Variants in ZDHHC3 observed in about 807,000 individuals in gnomAD.
ZDHHC3 encodes palmitoyltransferase ZDHHC3.
In ZDHHC3, 9 loss-of-function variants were observed where a neutral mutation model predicts 30.6. The observed-to-expected ratio is 0.29, with a 90% CI of 0.18 to 0.51. ZDHHC3 has a LOEUF of 0.51. Among genes scored for constraint, ZDHHC3 ranks in the 20% least tolerant of loss-of-function variants. ZDHHC3 has a pLI of 0.97. For missense variants in ZDHHC3, 246 were observed against 384.2 expected (o/e 0.64, Z 3.01); for synonymous variants, 136 against 140.2 (o/e 0.97, Z 0.21).
chr3:44,929,493 G>C, intron 5 of ZDHHC3, 57 bp from the exon 6 acceptor site: 1 of 1,599,528 alleles, frequency 6.3e-7, no homozygotes, highest in Middle Eastern at 1.7e-4. Flanking sequence ...TGCTGCCCAG[G>C]CTCACTGCCC....
intron 2 of ZDHHC3, among the ~76,000 whole-genome samples, chr3:44,952,135 T>C (rs1343221505): frequency 6.6e-6 from 1 of 152,170 alleles, no homozygotes; most frequent in African/African-American, 2.4e-5. Flanking sequence ...CCTGCTGCTT[T>C]CTCCCCAAAC....
rs1226448102 is a variant in ZDHHC3, at chr3:44,959,975, C to T, written c.-24-515G>A. Among the ~76,000 whole-genome samples the T allele has an allele frequency of 2.6e-5, 4 of 152,166 alleles. No homozygotes were observed. Among genetic ancestry groups the T allele is most frequent in the Non-Finnish European group, 5.9e-5 (4 of 68,026 alleles). Reference sequence around the variant, plus strand: ...ATGGGGTTTTGCCATGTTGCCCAGGCTGATCTCAAACTCCTGAGCTCAAGT... The same window carrying T: ...ATGGGGTTTTGCCATGTTGCCCAGGTTGATCTCAAACTCCTGAGCTCAAGT... On this transcript the variant is annotated intron_variant, in intron 1 of 6. Transcript: ENST00000424952. This position sits in a 1 kb window ranked among gnomAD's most constrained non-coding sequence, Gnocchi z 4.3.
In ZDHHC3 at chr3:44,922,074, G is replaced by A. The variant is rs188313363; in HGVS notation, c.*4615C>T. 1.2e-4 allele frequency: 123 copies of A among 985,442 alleles called. No homozygotes were observed. Among genetic ancestry groups the A allele is most frequent in the Non-Finnish European group, 1.4e-4 (120 of 829,920 alleles). 61.0% of individuals were successfully genotyped at this position (985,442 alleles called of 1,614,324 possible). ...AAGATGTTTACTTGAGGGAGAGGGT[G>A]AGAAAAAGAAGGTTCAGGTTGGGAG... On this transcript the variant is annotated 3_prime_UTR_variant, in exon 7 of 7. Transcript: ENST00000424952.
At chr3:44,940,940 C>A (rs945329571) in intron 3 of ZDHHC3, among the ~76,000 whole-genome samples, 1 of 152,168 alleles carries the variant, frequency 6.6e-6, no homozygotes, top group Non-Finnish European at 1.5e-5. Context: ...CCAGCACTTA[C>A]CAAACTATAT....
rs549381255 is a variant in ZDHHC3 at position 44,958,576 on chromosome 3, A to C, written c.306+555T>G. The C allele has an allele frequency of 3.3e-5, 50 of 1,535,706 alleles. No homozygotes were observed. The Admixed American group carries it at 9.6e-4, about 30-fold the overall frequency. On this transcript the variant is annotated intron_variant, in intron 2 of 6. Coordinates refer to ENST00000424952, the MANE Select transcript of ZDHHC3 (RefSeq NM_001135179.2). ...TGAGCAGAACACTACTGCTTTACCC[A>C]CAGATATTCACCAAGAGGCACTTGC...
chr3:44,973,466 AT>A (rs960236507), intron 1 of ZDHHC3, among the ~76,000 whole-genome samples: 16 of 150,976 alleles, frequency 1.1e-4, no homozygotes, highest in Non-Finnish European at 2.4e-4. Context: ...TTTTATTTTT[AT>A]TTTTTTTTGA....
rs772405242 is a variant in ZDHHC3, at chr3:44,933,848, G to A, written c.528+40C>T. 3.1e-5 allele frequency: 48 copies of A among 1,573,384 alleles called. 1 individual carries two copies. In the South Asian group the frequency reaches 5.2e-4, roughly 17 times the overall value. ...TTTCAAAGGAACAAAGTGCTCCATT[G>A]CTTCATGGGGGGCAGGGCAGAATTT... On this transcript the variant is annotated intron_variant, in intron 4 of 6. Transcript: ENST00000424952.
intron 3 of ZDHHC3, among the ~76,000 whole-genome samples, chr3:44,934,752 T>C (rs942620716): frequency 1.3e-5 from 2 of 151,500 alleles, no homozygotes; most frequent in Non-Finnish European, 2.9e-5. Context: ...ATTAGCTGGG[T>C]GTGGTGGTGC....
Position 44,922,061 on chromosome 3 carries a change from T to C in ZDHHC3, c.*4628A>G. The C allele has an allele frequency of 3.0e-6, 3 of 985,412 alleles. No homozygotes were observed. Among genetic ancestry groups the C allele is most frequent in the Non-Finnish European group, 3.6e-6 (3 of 829,918 alleles). 61.0% of individuals were successfully genotyped at this position (985,412 alleles called of 1,614,324 possible). On this transcript the variant is annotated 3_prime_UTR_variant, in exon 7 of 7. Coordinates refer to ENST00000424952, the MANE Select transcript of ZDHHC3 (RefSeq NM_001135179.2). ...TGCTCAAGTCAGCAAGATGTTTACTTGAGGGAGAGGGTGAGAAAAAGAAGG... is the reference window on the plus strand; with the variant it reads ...TGCTCAAGTCAGCAAGATGTTTACTCGAGGGAGAGGGTGAGAAAAAGAAGG...
rs1655891602 is a variant in ZDHHC3, at chr3:44,919,961, G to A, written c.*6728C>T. The A allele has an allele frequency of 1.9e-6, 2 of 1,045,466 alleles. No homozygotes were observed. The highest frequency in any genetic ancestry group is 3.3e-5 in the African/African-American group (2 of 60,232). The allele number at this position is 1,045,466 out of a possible 1,614,324, so 64.8% of individuals were successfully genotyped here. A position where few individuals can be genotyped will look rare whatever the true frequency, so the allele number is the denominator to read the frequency against. On this transcript the variant is annotated 3_prime_UTR_variant, in exon 7 of 7. Transcript: ENST00000424952. ...GCCCAATAATGATGGTTAAGCAAAT[G>A]ATTCTATAACACTATGCAGCTAGAA... is the stretch of plus-strand genomic sequence containing the variant.
rs1285834935 is a variant in ZDHHC3, at chr3:44,952,808, C to T, written c.306+6323G>A. Among the ~76,000 whole-genome samples the T allele has an allele frequency of 2.0e-5, 3 of 152,336 alleles. No individual in the cohort carries two copies. The East Asian group carries it at 5.8e-4, about 29-fold the overall frequency. ...ACCTTCTCTGCTACTTCCTCATGGC[C>T]CCAGGCCACATCCAAGGCAGAACCC... On this transcript the variant is annotated intron_variant, in intron 2 of 6. Transcript: ENST00000424952.
At chr3:44,956,441 G>C (rs1275402928) in intron 2 of ZDHHC3, among the ~76,000 whole-genome samples, 1 of 152,214 alleles carries the variant, frequency 6.6e-6, no homozygotes, top group Non-Finnish European at 1.5e-5. Context: ...GACTCTGGAA[G>C]GTATACTCTC....
chr3:44,935,607 T>C (rs1200822188), intron 3 of ZDHHC3, among the ~76,000 whole-genome samples: 1 of 152,232 alleles, frequency 6.6e-6, no homozygotes, highest in Non-Finnish European at 1.5e-5. Context: ...TCTAGACTGA[T>C]GCCAAGTAGC....
chr3:44,941,392 A>G (rs2125854110), intron 3 of ZDHHC3, among the ~76,000 whole-genome samples: 1 of 152,192 alleles, frequency 6.6e-6, no homozygotes, highest in East Asian at 1.9e-4. Flanking sequence ...AGAGAAACTT[A>G]GGTTCTCCAA....
chr3:44,923,698 G>C lies in ZDHHC3; in HGVS notation c.*2991C>G. 1 of 811,678 alleles carries C rather than the reference G, an allele frequency of 1.2e-6. No homozygotes were observed. Among genetic ancestry groups the C allele is most frequent in the Non-Finnish European group, 1.5e-6 (1 of 671,796 alleles). The allele number at this position is 811,678 out of a possible 1,614,324, so 50.3% of individuals were successfully genotyped here. A position where few individuals can be genotyped will look rare whatever the true frequency, so the allele number is the denominator to read the frequency against. On this transcript the variant is annotated 3_prime_UTR_variant, in exon 7 of 7. Coordinates refer to ENST00000424952, the MANE Select transcript of ZDHHC3 (RefSeq NM_001135179.2). ...CGTGCCTGTAGCCCTGGATATTCAG[G>C]AGGCCAAGGCACAAGAATCACTTGA...
intron 5 of ZDHHC3, among the ~76,000 whole-genome samples, chr3:44,930,076 G>GTCT (rs1371580494): frequency 6.6e-6 from 1 of 152,248 alleles, no homozygotes; most frequent in Non-Finnish European, 1.5e-5. Context: ...AGGCCAGGGA[G>GTCT]TCGACCAAAG....
In ZDHHC3 at chr3:44,917,366, G is replaced by A. The variant is rs974425847; in HGVS notation, c.*9323C>T. Reference sequence around the variant, plus strand: ...ATGGGGAAGCCCTTTCCAGGGAGTAGCTGGCAGCTCTGCAGTCTTTCCAGG... The same window carrying A: ...ATGGGGAAGCCCTTTCCAGGGAGTAACTGGCAGCTCTGCAGTCTTTCCAGG... On this transcript the variant is annotated 3_prime_UTR_variant, in exon 7 of 7. Transcript: ENST00000424952. 1 of 161,736 alleles carries A rather than the reference G, an allele frequency of 6.2e-6. No individual in the cohort carries two copies. Among genetic ancestry groups the A allele is most frequent in the African/African-American group, 2.4e-5 (1 of 41,530 alleles). The allele number at this position is 161,736 out of a possible 1,614,324, so 10.0% of individuals were successfully genotyped here.
At chr3:44,934,069 C>T in intron 3 of ZDHHC3, 85 bp from the exon 4 acceptor site, 1 of 1,294,016 alleles carries the variant, frequency 7.7e-7, no homozygotes, top group East Asian at 2.3e-5. Flanking sequence ...ATGGCTCCTG[C>T]TCCACTCCTC....
intron 3 of ZDHHC3, among the ~76,000 whole-genome samples, chr3:44,940,839 A>G (rs375248667): frequency 1.3e-5 from 2 of 152,162 alleles, no homozygotes; most frequent in African/African-American, 4.8e-5. Context: ...CTCATCCCCA[A>G]AGGAGCTGGC....
Sources: allele counts gnomAD v4.1 joint callset (sites outside exome capture counted in the v4.1 genomes callset), GRCh38; gene constraint gnomAD v4.1.1; non-coding constraint Gnocchi (gnomAD v3.1); transcripts MANE v1.5; gene names NCBI Gene and HGNC (gene_info 2026-07-23, HGNC 2026-07-21).